ZDHHC14: variants seen among roughly 807,000 people sequenced by gnomAD.
The protein encoded by ZDHHC14 is zDHHC palmitoyltransferase 14, also known as palmitoyltransferase ZDHHC14.
ZDHHC14 carries 16 observed loss-of-function variants against 47.7 expected under a neutral mutation model. That is an observed-to-expected ratio of 0.34 (90% confidence interval 0.23 to 0.51). The LOEUF (loss-of-function observed/expected upper bound fraction) is 0.51. Ranked by LOEUF, ZDHHC14 falls within the 20% of genes least tolerant of loss-of-function variation. ZDHHC14 has a pLI of 0.97. For synonymous variants in ZDHHC14, 293 were observed against 278.9 expected (o/e 1.05, Z -0.50); for missense variants, 515 against 662.5 (o/e 0.78, Z 2.44).
chr6:157,649,296 T>C (rs916179965), intron 7 of ZDHHC14, among the ~76,000 whole-genome samples: 5 of 152,168 alleles, frequency 3.3e-5, no homozygotes, highest in African/African-American at 1.2e-4. Flanking sequence ...GAGGCTTTTA[T>C]TGGGTGAAGG....
chr6:157,465,911 G>C (rs1170447177), intron 1 of ZDHHC14, among the ~76,000 whole-genome samples: 1 of 152,086 alleles, frequency 6.6e-6, no homozygotes, highest in South Asian at 2.1e-4. Flanking sequence ...GCATGGTGGC[G>C]GGTGCCTGTA....
chr6:157,509,086 C>G (rs1780399535), intron 1 of ZDHHC14, among the ~76,000 whole-genome samples: 1 of 152,196 alleles, frequency 6.6e-6, no homozygotes, highest in Admixed American at 6.5e-5. Flanking sequence ...ACTCCAGCAG[C>G]AGTGGGGAGA....
At chr6:157,630,914 AC>A (rs1785687950) in intron 4 of ZDHHC14, 2 of 145,778 alleles carry the variant, frequency 1.4e-5, no homozygotes, top group Non-Finnish European at 3.0e-5. Context: ...ACACACTCAT[AC>A]CCTTACACTG....
chr6:157,447,459 C>G (rs540283985), intron 1 of ZDHHC14, among the ~76,000 whole-genome samples: 1 of 152,204 alleles, frequency 6.6e-6, no homozygotes, highest in Non-Finnish European at 1.5e-5. Flanking sequence ...GCGCTACCTG[C>G]GCTGCTTGGG....
At chr6:157,598,175 C>A (rs1267788961) in intron 3 of ZDHHC14, among the ~76,000 whole-genome samples, 1 of 152,236 alleles carries the variant, frequency 6.6e-6, no homozygotes, top group Non-Finnish European at 1.5e-5. Flanking sequence ...CACTGCTTCA[C>A]AGTTGTACAT....
intron 6 of ZDHHC14, among the ~76,000 whole-genome samples, chr6:157,646,612 C>CAA (rs5881225): frequency 1.6e-5 from 2 of 121,498 alleles, no homozygotes. Context: ...CACTCCATCT[C>CAA]AAAAAAAAAA....
chr6:157,645,920 C>T, intron 6 of ZDHHC14, 81 bp downstream of exon 6: 1 of 1,213,308 alleles, frequency 8.2e-7, no homozygotes. Context: ...AAAGGTTGAG[C>T]CCAGCTTTTC....
At chr6:157,605,719 A>T (rs1434804284) in intron 3 of ZDHHC14, among the ~76,000 whole-genome samples, 1 of 152,226 alleles carries the variant, frequency 6.6e-6, no homozygotes, top group Non-Finnish European at 1.5e-5. Context: ...GAGGAAGGCC[A>T]TGACTTCTAC....
rs966473224 is a variant in ZDHHC14 at position 157,583,383 on chromosome 6, A to G, written c.407-9605A>G. Among the ~76,000 whole-genome samples, 14 of 152,296 alleles carry G rather than the reference A, an allele frequency of 9.2e-5. 1 individual carries two copies. In the East Asian group the frequency reaches 2.1e-3, roughly 23 times the overall value. On this transcript the variant is annotated intron_variant, in intron 2 of 8. Transcript: ENST00000359775. ...ACTGTGATGTAAGTTGAGTACAGTC[A>G]GTAGACTTTTCTGGATGTTTTCAGA...
intron 1 of ZDHHC14, among the ~76,000 whole-genome samples, chr6:157,466,785 G>A (rs958549629): frequency 2.0e-5 from 3 of 151,224 alleles, no homozygotes; most frequent in Non-Finnish European, 2.9e-5. Context: ...CTCGTGAGCC[G>A]AGATCACACC....
chr6:157,501,476 A>G (rs773479874), intron 1 of ZDHHC14, among the ~76,000 whole-genome samples: 30 of 152,224 alleles, frequency 2.0e-4, no homozygotes, highest in Non-Finnish European at 3.5e-4. Context: ...ATTCTTTAAG[A>G]TTGCATTTAC....
At chr6:157,666,092 T>C (rs589588) in intron 8 of ZDHHC14, among the ~76,000 whole-genome samples, 109,157 of 152,162 alleles carry the variant, frequency 0.72, 39,378 homozygotes, top group African/African-American at 0.78. Flanking sequence ...CATCCAGTTA[T>C]GATCCACTTT....
At chr6:157,607,121 T>G (rs1196001359) in intron 3 of ZDHHC14, among the ~76,000 whole-genome samples, 1 of 152,242 alleles carries the variant, frequency 6.6e-6, no homozygotes. Context: ...TGCTTTCTTT[T>G]GTCATCTCAC....
At chr6:157,595,575 A>G (rs1200181625) in intron 3 of ZDHHC14, among the ~76,000 whole-genome samples, 1 of 152,178 alleles carries the variant, frequency 6.6e-6, no homozygotes, top group Non-Finnish European at 1.5e-5. Flanking sequence ...GATTATTATC[A>G]GACACTGCTC....
At chr6:157,465,341 TCA>T (rs550501537) in intron 1 of ZDHHC14, among the ~76,000 whole-genome samples, 12 of 152,106 alleles carry the variant, frequency 7.9e-5, no homozygotes, top group Non-Finnish European at 1.8e-4. Flanking sequence ...TGGTTCTGAC[TCA>T]CTGTTATTTA....
chr6:157,610,397 A>C (rs1583016056), intron 3 of ZDHHC14, among the ~76,000 whole-genome samples: 1 of 152,162 alleles, frequency 6.6e-6, no homozygotes, highest in African/African-American at 2.4e-5. Flanking sequence ...AGGCCACTGC[A>C]CTCCAGCCTG....
In ZDHHC14 at chr6:157,653,678, GCTCA is replaced by G. The variant is rs750568473; in HGVS notation, c.1068+54_1068+57del. On this transcript the variant is annotated intron_variant, in intron 8 of 8. Coordinates refer to ENST00000359775, the MANE Select transcript of ZDHHC14 (RefSeq NM_024630.3). Reference sequence around the variant, plus strand: ...GCGAGGGCTTCCCTTTTGCTTGTGTGCTCACTAACAGGCCACCAAGCAGCCTTCC... The same window carrying G: ...GCGAGGGCTTCCCTTTTGCTTGTGTGCTAACAGGCCACCAAGCAGCCTTCC... 7.7e-5 allele frequency: 121 copies of G among 1,572,918 alleles called. 2 individuals are homozygous for G. The South Asian group carries it at 1.3e-3, about 17-fold the overall frequency.
intron 1 of ZDHHC14, among the ~76,000 whole-genome samples, chr6:157,403,078 T>C (rs946614063): frequency 5.5e-5 from 3 of 54,688 alleles, no homozygotes; most frequent in Admixed American, 1.9e-4. Flanking sequence ...ACTTGTTGCA[T>C]TGTACAATAA....
At chr6:157,646,612 CAAAA>C (rs5881225) in intron 6 of ZDHHC14, among the ~76,000 whole-genome samples, 15 of 121,464 alleles carry the variant, frequency 1.2e-4, no homozygotes, top group South Asian at 2.7e-4. Flanking sequence ...CACTCCATCT[CAAAA>C]AAAAAAAAAA....
Sources: allele counts gnomAD v4.1 joint callset (sites outside exome capture counted in the v4.1 genomes callset), GRCh38; gene constraint gnomAD v4.1.1; transcripts MANE v1.5; gene names NCBI Gene and HGNC (gene_info 2026-07-23, HGNC 2026-07-21).